Variants in CCDC30 observed in about 807,000 individuals in gnomAD.
The protein encoded by CCDC30 is coiled-coil domain containing 30.
CCDC30 carries 70 observed loss-of-function variants against 100.2 expected under a neutral mutation model. The ratio of observed to expected loss-of-function variants is 0.70; its 90% confidence interval spans 0.58 to 0.85. The LOEUF (loss-of-function observed/expected upper bound fraction) is 0.85, where lower values mean the gene tolerates loss of function less well. CCDC30 is among the 40% of genes least tolerant of loss of function. The pLI is 0.00. For synonymous variants in CCDC30, 233 were observed against 269.5 expected, an observed-to-expected ratio of 0.86 and a Z score of 1.33; for missense variants, 652 against 771.2, an observed-to-expected ratio of 0.85 and a Z score of 1.83.
At position 42,592,219 on chromosome 1, in the gene CCDC30, A is replaced by G. The variant is rs538404330; in HGVS notation, c.1164+2736A>G. 13 of 152,224 alleles carry G rather than the reference A, an allele frequency of 8.5e-5. 1 individual carries two copies. The highest frequency in any genetic ancestry group is 7.2e-4 in the Admixed American group (11 of 15,284). 9.4% of individuals were successfully genotyped at this position (152,224 alleles called of 1,614,324 possible). ...TCTTGTAGTGTGAGAAAGACATGCAATTTGAGGGGTCATGGGTGGAATGAT... is the reference window on the plus strand; with the variant it reads ...TCTTGTAGTGTGAGAAAGACATGCAGTTTGAGGGGTCATGGGTGGAATGAT... On this transcript the variant is annotated intron_variant, in intron 10 of 16. Coordinates refer to ENST00000668663, the Ensembl canonical transcript of CCDC30.
At chr1:42,492,654 A>T (rs570486541) in intron 4 of CCDC30, among the ~76,000 whole-genome samples, 1 of 149,428 alleles carries the variant, frequency 6.7e-6, no homozygotes, top group South Asian at 2.1e-4. Flanking sequence ...AATTAAAAAG[A>T]TTTTTTTTTT....
intron 6 of CCDC30, among the ~76,000 whole-genome samples, chr1:42,560,393 A>G (rs192106254): frequency 6.6e-6 from 1 of 152,216 alleles, no homozygotes; most frequent in East Asian, 1.9e-4. Context: ...TTGTTGAGTC[A>G]GAGTCTTGCT....
intron 10 of CCDC30, among the ~76,000 whole-genome samples, chr1:42,597,321 A>G (rs1646308825): frequency 6.6e-6 from 1 of 152,232 alleles, no homozygotes; most frequent in South Asian, 2.1e-4. Context: ...GGAAGCTCAG[A>G]GAACATCAAG....
intron 4 of CCDC30, among the ~76,000 whole-genome samples, chr1:42,496,103 T>G (rs1380837757): frequency 7.0e-6 from 1 of 143,444 alleles, no homozygotes; most frequent in Non-Finnish European, 1.5e-5. Flanking sequence ...ATAATGTCAT[T>G]TGGGTTTTTT....
chr1:42,538,363 C>A (rs1043486745), intron 6 of CCDC30, among the ~76,000 whole-genome samples: 12 of 151,316 alleles, frequency 7.9e-5, no homozygotes, highest in African/African-American at 2.9e-4. Context: ...GAGAAAAAAA[C>A]ATCAGAGGAT....
intron 10 of CCDC30, among the ~76,000 whole-genome samples, chr1:42,607,036 T>G (rs896180133): frequency 1.1e-4 from 16 of 152,206 alleles, no homozygotes; most frequent in South Asian, 4.1e-4. Flanking sequence ...TATCTATAGA[T>G]TCTAATATGA....
At chr1:42,636,252 T>C (rs1169913685) in intron 11 of CCDC30, among the ~76,000 whole-genome samples, 1 of 152,034 alleles carries the variant, frequency 6.6e-6, no homozygotes, top group Non-Finnish European at 1.5e-5. Flanking sequence ...CACCCATCTC[T>C]ACAAAAAATT....
intron 11 of CCDC30, among the ~76,000 whole-genome samples, chr1:42,630,970 C>T: frequency 6.6e-6 from 1 of 151,984 alleles, no homozygotes; most frequent in East Asian, 1.9e-4. Flanking sequence ...GTCCCTGGTG[C>T]CTTGTTTAGT....
intron 4 of CCDC30, chr1:42,491,830 G>T: frequency 5.8e-6 from 2 of 343,542 alleles, no homozygotes; most frequent in South Asian, 3.5e-5. Flanking sequence ...AAAGATTGGT[G>T]TGATGTAAAA....
rs1643872908 is a variant in CCDC30, at chr1:42,475,535, C to G, written c.-91-4926C>G. 5.9e-5 allele frequency among the ~76,000 whole-genome samples: 9 copies of G among 151,972 alleles called. 1 individual carries two copies. The South Asian group carries it at 1.9e-3, about 32-fold the overall frequency. ...TCATTTTAAAACTTCTTCCCTAATT[C>G]TAGAAATTAACATATGACATTATAG... On this transcript the variant is annotated intron_variant, in intron 1 of 16. Coordinates refer to ENST00000668663, the Ensembl canonical transcript of CCDC30.
intron 6 of CCDC30, among the ~76,000 whole-genome samples, chr1:42,544,611 C>A (rs1645085378): frequency 1.3e-5 from 2 of 152,162 alleles, no homozygotes; most frequent in South Asian, 4.1e-4. Context: ...ACCTCCCAGG[C>A]TCAAGCCATT....
chr1:42,471,347 C>T (rs987868164), intron 1 of CCDC30, among the ~76,000 whole-genome samples: 3 of 152,196 alleles, frequency 2.0e-5, no homozygotes, highest in African/African-American at 7.2e-5. Flanking sequence ...ACCCACAGTA[C>T]AGGACTTATA....
chr1:42,574,894 CTGT>C (rs1476534044), intron 7 of CCDC30, among the ~76,000 whole-genome samples: 3 of 152,184 alleles, frequency 2.0e-5, no homozygotes, highest in African/African-American at 7.2e-5. Context: ...CAACACTTAA[CTGT>C]TGTTAGGTCT....
intron 6 of CCDC30, among the ~76,000 whole-genome samples, chr1:42,523,219 T>C (rs777948610): frequency 1.4e-4 from 21 of 152,214 alleles, no homozygotes; most frequent in Non-Finnish European, 2.9e-4. Flanking sequence ...TACTGTCCTT[T>C]CATTTCAACC....
At chr1:42,456,166 G>C in the CCDC30 span, 2 of 651,340 alleles carry the variant, frequency 3.1e-6, no homozygotes. Flanking sequence ...TTGGAAAAGG[G>C]GAAGAAAGAA....
intron 8 of CCDC30, among the ~76,000 whole-genome samples, 154 bp from the exon 13 acceptor site, chr1:42,581,206 A>G (rs1645958774): frequency 6.6e-6 from 1 of 152,186 alleles, no homozygotes. Flanking sequence ...AAATTAAACA[A>G]TTTATTTTAA....
chr1:42,501,690 G>A lies in CCDC30; in HGVS notation c.456+2774G>A, dbSNP rs1475569554. Among the ~76,000 whole-genome samples the A allele has an allele frequency of 2.0e-5, 3 of 152,192 alleles. No individual in the cohort carries two copies. In the East Asian group the frequency reaches 5.8e-4, roughly 29 times the overall value. ...CTTCTAACAGTCAGGACCCTCAGCT[G>A]CAGGTCTCTTGGAGTTTGCTGGAGG... On this transcript the variant is annotated intron_variant, in intron 6 of 16. Coordinates refer to ENST00000668663, the Ensembl canonical transcript of CCDC30.
At chr1:42,483,576 A>C (rs1644000101) in intron 3 of CCDC30, among the ~76,000 whole-genome samples, 1 of 152,138 alleles carries the variant, frequency 6.6e-6, no homozygotes, top group Non-Finnish European at 1.5e-5. Flanking sequence ...GTGGTATTTA[A>C]GTGTGGCTTT....
At chr1:42,494,136 A>G (rs1242913309) in intron 4 of CCDC30, among the ~76,000 whole-genome samples, 2 of 152,252 alleles carry the variant, frequency 1.3e-5, no homozygotes, top group African/African-American at 4.8e-5. Context: ...CCAAAACAGC[A>G]TGGTACTGGT....
Sources: gnomAD v4.1 joint callset for allele counts (sites outside exome capture counted in the v4.1 genomes callset) on GRCh38, gnomAD v4.1.1 for gene constraint, MANE v1.5 for transcripts, NCBI Gene and HGNC (gene_info 2026-07-23, HGNC 2026-07-21) for gene names.